Variants in TNR observed in about 807,000 individuals in gnomAD.
TNR encodes tenascin R, also known as tenascin-R.
A neutral mutation model predicts 150.4 loss-of-function variants in TNR; 45 were observed. The ratio of observed to expected loss-of-function variants is 0.30; its 90% CI spans 0.24 to 0.38. The LOEUF (loss-of-function observed/expected upper bound fraction) is 0.38. Among genes scored for constraint, TNR ranks in the 10% least tolerant of loss-of-function variants. The pLI, the probability that TNR is intolerant of heterozygous loss-of-function variation, is 1.00. For missense variants in TNR, 1,544 were observed against 1,759.1 expected (o/e 0.88, Z 2.19); for synonymous variants, 687 against 678.4 (o/e 1.01, Z -0.20).
rs781713010 is a variant in TNR, at chr1:175,393,861, C to T, written c.1275G>A (p.Thr425=). Residue 425 remains threonine, a synonymous_variant, in exon 6 of 23, where the codon ACG becomes ACA. Coordinates refer to ENST00000367674, the MANE Select transcript of TNR (RefSeq NM_003285.3). Reference sequence around the variant, plus strand: ...GCACCTCCACGGTGGTCTCTGTGATCGTCTTAAATTGTAGCCCTTGAGGAG... The same window carrying T: ...GCACCTCCACGGTGGTCTCTGTGATTGTCTTAAATTGTAGCCCTTGAGGAG... ...LSTPQGLQFK[T]ITETTVEVQW... 1.2e-5 allele frequency: 20 copies of T among 1,613,984 alleles called. No individual in the cohort carries two copies. The highest frequency in any genetic ancestry group is 1.5e-5 in the Non-Finnish European group (18 of 1,180,018).
intron 17 of TNR, 27 bp downstream of exon 17, chr1:175,355,476 T>A (rs777754172): frequency 6.2e-7 from 1 of 1,611,672 alleles, no homozygotes; most frequent in Non-Finnish European, 8.5e-7. Flanking sequence ...GAAGAAATGG[T>A]CTTTTCCCTT....
At chr1:175,580,946 G>T (rs116557035) in intron 1 of TNR, among the ~76,000 whole-genome samples, 2 of 152,122 alleles carry the variant, frequency 1.3e-5, no homozygotes, top group African/African-American at 2.4e-5. Flanking sequence ...GGGGATGGGG[G>T]TCTCTGCTTT....
rs1431167166 is a variant in TNR at position 175,359,704 on chromosome 1, G to A, written c.2882C>T (p.Ala961Val). The change falls in exon 15 of 23, where the codon GCT (alanine) becomes GTT (valine). Residue 961 changes from alanine (A) to valine (V), a missense_variant. By Grantham distance (64) the Ala-to-Val change is moderately conservative. This residue lies in a region of TNR where 1,254 missense variants were observed against 1,329.4 expected (regional missense o/e 0.94). Transcript: ENST00000367674. ...GGCTTCTGTTGGAGTGATATTGGTA[G>A]CAATCAGATCCACAGGGTTGTCCAT... ...TAMDNPVDLI[A>V]TNITPTEALL... 1 of 1,613,582 alleles carries A rather than the reference G, an allele frequency of 6.2e-7. No homozygotes were observed. Among genetic ancestry groups the A allele is most frequent in the Non-Finnish European group, 8.5e-7 (1 of 1,179,744 alleles).
chr1:175,367,216 G>C lies in TNR; in HGVS notation c.2045C>G (p.Ala682Gly). The change falls in exon 10 of 23, where the codon GCC becomes GGC. Residue 682 changes from alanine to glycine, a missense_variant. By Grantham distance (60) the Ala-to-Gly change is moderately conservative (BLOSUM62 0). This residue lies in a region of TNR where 1,254 missense variants were observed against 1,329.4 expected (regional missense o/e 0.94). Coordinates refer to ENST00000367674, the MANE Select transcript of TNR (RefSeq NM_003285.3). The stretch of plus-strand genomic sequence containing the variant: ...GCAGTCCTCCTACTCACCAGTCCTG[G>C]CATTCATGGTGGCTGGCACGCTTTG... ...SQQSVPATMN[A>G]RTELDSPRDL... The C allele has an allele frequency of 1.9e-6, 3 of 1,613,986 alleles. No individual in the cohort carries two copies. Among genetic ancestry groups the C allele is most frequent in the Non-Finnish European group, 2.5e-6 (3 of 1,179,930 alleles).
chr1:175,400,233 A>G (rs1653640045), intron 4 of TNR, among the ~76,000 whole-genome samples: 1 of 152,112 alleles, frequency 6.6e-6, no homozygotes, highest in Non-Finnish European at 1.5e-5. Flanking sequence ...CTTTGTGTAT[A>G]TGGCTTTAAA....
intron 1 of TNR, among the ~76,000 whole-genome samples, chr1:175,634,630 T>G (rs1664439008): frequency 6.6e-6 from 1 of 152,116 alleles, no homozygotes; most frequent in Non-Finnish European, 1.5e-5. Flanking sequence ...CTTGAAATAT[T>G]AGAGTTGGAA....
intron 1 of TNR, among the ~76,000 whole-genome samples, chr1:175,627,403 CAG>C: frequency 6.6e-6 from 1 of 152,238 alleles, no homozygotes; most frequent in East Asian, 1.9e-4. Context: ...AACATCAAAA[CAG>C]AACAGTGGAT....
At chr1:175,564,775 G>T (rs1661573986) in intron 1 of TNR, among the ~76,000 whole-genome samples, 1 of 152,158 alleles carries the variant, frequency 6.6e-6, no homozygotes, top group Admixed American at 6.5e-5. Context: ...AAGCAGGCAG[G>T]CCCTGGGAAC....
Position 175,391,428 on chromosome 1 carries a change from C to G in TNR, c.1367G>C (p.Gly456Ala). ...GCTGGGGACCTGAGCAATCACTCCC[C>G]CTTCATTGTTCTGGACAGTGGGGAG... Reference protein sequence around the residue: ...EISFIPKNNEGGVIAQVPSDV... With the variant: ...EISFIPKNNEAGVIAQVPSDV... The change falls in exon 7 of 23, where the codon GGG (glycine) becomes GCG (alanine). Residue 456 changes from glycine to alanine, a missense_variant. Coordinates refer to ENST00000367674, the MANE Select transcript of TNR (RefSeq NM_003285.3). 1 of 1,614,062 alleles carries G rather than the reference C, an allele frequency of 6.2e-7. No homozygotes were observed.
At chr1:175,411,221 C>T (rs1448687064) in intron 2 of TNR, among the ~76,000 whole-genome samples, 1 of 152,098 alleles carries the variant, frequency 6.6e-6, no homozygotes, top group Non-Finnish European at 1.5e-5. Context: ...GTAGTGACTT[C>T]CTGGTCACTG....
At chr1:175,331,029 C>CTTTCTTTCTTTCTTTCTTTCT (rs1649748523) in intron 20 of TNR, among the ~76,000 whole-genome samples, 5 of 68,178 alleles carry the variant, frequency 7.3e-5, no homozygotes, top group African/African-American at 2.4e-4. Flanking sequence ...TTCTTTCTTT[C>CTTTCTTTCTTTCTTTCTTTCT]TTTCTTTCTT....
At chr1:175,619,051 G>A (rs1435872494) in intron 1 of TNR, among the ~76,000 whole-genome samples, 2 of 152,164 alleles carry the variant, frequency 1.3e-5, no homozygotes, top group African/African-American at 4.8e-5. Flanking sequence ...AAGAGCAAAT[G>A]GCCTCCATGA....
At chr1:175,637,696 T>C (rs560112228) in intron 1 of TNR, among the ~76,000 whole-genome samples, 2 of 152,294 alleles carry the variant, frequency 1.3e-5, no homozygotes, top group South Asian at 2.1e-4. Flanking sequence ...GGCTGGATAA[T>C]TAAGTGTTGG....
At chr1:175,336,128 T>C (rs909949575) in intron 19 of TNR, among the ~76,000 whole-genome samples, 6 of 152,142 alleles carry the variant, frequency 3.9e-5, no homozygotes, top group African/African-American at 1.4e-4. Context: ...TCAGGGGAAA[T>C]AGGCTTGGCT....
chr1:175,698,489 G>A (rs1170771058), intron 1 of TNR, among the ~76,000 whole-genome samples: 1 of 152,144 alleles, frequency 6.6e-6, no homozygotes, highest in Admixed American at 6.5e-5. Context: ...GGGCAGGGTG[G>A]TCAAGGAGGA....
intron 2 of TNR, among the ~76,000 whole-genome samples, chr1:175,493,721 G>T (rs191077348): frequency 1.7e-4 from 26 of 152,320 alleles, no homozygotes; most frequent in East Asian, 5.8e-4. Flanking sequence ...ACACTAAGGT[G>T]GGGGGTAGTG....
At chr1:175,538,809 T>C (rs1007925369) in intron 1 of TNR, 3 of 152,238 alleles carry the variant, frequency 2.0e-5, no homozygotes, top group Non-Finnish European at 4.4e-5. Flanking sequence ...AGCTACTTTC[T>C]TGGCATACAG....
At chr1:175,510,312 C>T (rs1002590539) in intron 2 of TNR, among the ~76,000 whole-genome samples, 1 of 152,078 alleles carries the variant, frequency 6.6e-6, no homozygotes, top group African/African-American at 2.4e-5. Context: ...TAAATTACAT[C>T]CTCATCTTCA....
intron 1 of TNR, among the ~76,000 whole-genome samples, chr1:175,738,110 G>A (rs145731788): frequency 1.6e-3 from 244 of 152,144 alleles, no homozygotes; most frequent in Admixed American, 3.6e-3. Context: ...ATCCTCCTCC[G>A]TTTGCCTCCA....
Sources: allele counts gnomAD v4.1 joint callset (sites outside exome capture counted in the v4.1 genomes callset), GRCh38; gene constraint gnomAD v4.1.1; regional missense constraint gnomAD v4.1.1; transcripts MANE v1.5; gene names NCBI Gene and HGNC (gene_info 2026-07-23, HGNC 2026-07-21).